Variants in LSAMP observed in about 807,000 individuals in gnomAD.
LSAMP encodes limbic system-associated membrane protein.
A neutral mutation model predicts 38.6 loss-of-function variants in LSAMP; 7 were observed. The ratio of observed to expected loss-of-function variants is 0.18; its 90% CI spans 0.10 to 0.34. The LOEUF is 0.34. LSAMP is among the 10% of genes least tolerant of loss of function. The pLI, the probability that LSAMP is intolerant of heterozygous loss-of-function variation, is 1.00. For missense variants in LSAMP, 313 were observed against 420.0 expected, an observed-to-expected ratio of 0.75 and a Z score of 2.23; for synonymous variants, 154 against 166.8, an observed-to-expected ratio of 0.92 and a Z score of 0.59.
At chr3:116,195,148 CTAGA>C (rs1710853113) in intron 1 of LSAMP, among the ~76,000 whole-genome samples, 1 of 152,192 alleles carries the variant, frequency 6.6e-6, no homozygotes, top group African/African-American at 2.4e-5. Context: ...TATATTTCCT[CTAGA>C]GATCAATCCC....
intron 1 of LSAMP, among the ~76,000 whole-genome samples, chr3:116,431,674 T>A (rs2049283040): frequency 6.6e-6 from 1 of 152,068 alleles, no homozygotes; most frequent in South Asian, 2.1e-4. Context: ...CACGTCTTCA[T>A]ATGCCCTGGA....
intron 1 of LSAMP, among the ~76,000 whole-genome samples, chr3:116,119,965 ATTTAT>A (rs1708838856): frequency 6.6e-6 from 1 of 152,214 alleles, no homozygotes; most frequent in Admixed American, 6.5e-5. Flanking sequence ...GGCCAAGAAA[ATTTAT>A]TTAGTTTACC....
chr3:116,216,816 T>G (rs1559786875), intron 1 of LSAMP, among the ~76,000 whole-genome samples: 1 of 152,202 alleles, frequency 6.6e-6, no homozygotes, highest in East Asian at 1.9e-4. Flanking sequence ...TAGTTTCTGC[T>G]TTACTTGATG....
intron 3 of LSAMP, among the ~76,000 whole-genome samples, chr3:115,945,936 T>C (rs1215088731): frequency 2.0e-5 from 3 of 152,202 alleles, no homozygotes. Context: ...CTGAAGTTTT[T>C]AAATACAATA....
chr3:116,176,526 TAAAC>T lies in LSAMP; in HGVS notation c.156-89974_156-89971del, dbSNP rs926397279. On this transcript the variant is annotated intron_variant, in intron 1 of 6. Transcript: ENST00000490035. Reference sequence around the variant, plus strand: ...GCAACCAACTAAAGAAGCCAATAACTAAACAATCAACCAGGCAACCAAAGGTTCT... The same window carrying T: ...GCAACCAACTAAAGAAGCCAATAACTAATCAACCAGGCAACCAAAGGTTCT... Among the ~76,000 whole-genome samples the T allele has an allele frequency of 6.6e-5, 10 of 152,216 alleles. No individual in the cohort carries two copies. The South Asian group carries it at 1.5e-3, about 22-fold the overall frequency.
chr3:116,439,934 G>A (rs1334325611), intron 1 of LSAMP, among the ~76,000 whole-genome samples: 1 of 152,150 alleles, frequency 6.6e-6, no homozygotes, highest in Non-Finnish European at 1.5e-5. Context: ...TGTTGGCCAG[G>A]ATGATCTCAA....
At chr3:116,058,577 A>G (rs1158767446) in intron 2 of LSAMP, among the ~76,000 whole-genome samples, 3 of 152,166 alleles carry the variant, frequency 2.0e-5, no homozygotes, top group Non-Finnish European at 4.4e-5. Flanking sequence ...TACTAGAAAT[A>G]TAGTAATTTA....
rs182276659 is a variant in LSAMP at position 116,214,114 on chromosome 3, C to T, written c.156-127558G>A. Among the ~76,000 whole-genome samples the T allele has an allele frequency of 5.3e-5, 8 of 152,184 alleles. No homozygotes were observed. The East Asian group carries it at 1.6e-3, about 30-fold the overall frequency. ...TTTATGGGATATTTAAAAGCATACA[C>T]ATCTCATACTGAAAAAAGCAAATGT... On this transcript the variant is annotated intron_variant, in intron 1 of 6. Coordinates refer to ENST00000490035, the MANE Select transcript of LSAMP (RefSeq NM_002338.5).
chr3:116,075,611 G>A lies in LSAMP; in HGVS notation c.388+10713C>T, dbSNP rs534041548. Among the ~76,000 whole-genome samples, 18 of 148,950 alleles carry A rather than the reference G, an allele frequency of 1.2e-4. No homozygotes were observed. In the Admixed American group the frequency reaches 1.2e-3, roughly 10 times the overall value. On this transcript the variant is annotated intron_variant, in intron 2 of 6. Transcript: ENST00000490035. Reference sequence around the variant, plus strand: ...GGCTGGAGTGCAGTGGCACAATCTCGGCTCACTGCAACCTCCGCTTTCTGG... The same window carrying A: ...GGCTGGAGTGCAGTGGCACAATCTCAGCTCACTGCAACCTCCGCTTTCTGG...
At chr3:116,196,081 A>G (rs1710876712) in intron 1 of LSAMP, among the ~76,000 whole-genome samples, 2 of 152,234 alleles carry the variant, frequency 1.3e-5, no homozygotes, top group African/African-American at 4.8e-5. Context: ...AGACTGAGCC[A>G]TAAGGGTCAG....
At position 116,082,150 on chromosome 3, in the gene LSAMP, C is replaced by A. The variant is rs73139193; in HGVS notation, c.388+4174G>T. Among the ~76,000 whole-genome samples, 885 of 152,174 alleles carry A rather than the reference C, an allele frequency of 5.8e-3. 7 individuals carry two copies. Among genetic ancestry groups the A allele is most frequent in the Non-Finnish European group, 9.3e-3 (635 of 67,990 alleles). ...TAATGTAACATTTAAAACAAATACC[C>A]TAGTTTTTGGAGCCAGTATTCCCAG... On this transcript the variant is annotated intron_variant, in intron 2 of 6. Transcript: ENST00000490035.
At chr3:116,414,214 A>G (rs1307539828) in intron 1 of LSAMP, among the ~76,000 whole-genome samples, 1 of 152,056 alleles carries the variant, frequency 6.6e-6, no homozygotes, top group Non-Finnish European at 1.5e-5. Context: ...TACTGCAAAA[A>G]TGGCAGAAGT....
At chr3:116,404,295 T>A (rs966552547) in intron 1 of LSAMP, among the ~76,000 whole-genome samples, 3 of 152,184 alleles carry the variant, frequency 2.0e-5, no homozygotes, top group Non-Finnish European at 4.4e-5. Flanking sequence ...ATAGAGAAAG[T>A]TAGAATTCTC....
intron 1 of LSAMP, among the ~76,000 whole-genome samples, chr3:116,163,504 T>C (rs1003142423): frequency 2.6e-5 from 4 of 151,642 alleles, no homozygotes; most frequent in Non-Finnish European, 4.4e-5. Context: ...GTTCCAAGTC[T>C]TTGCTATTGT....
chr3:115,955,069 C>A (rs556210947), intron 3 of LSAMP, among the ~76,000 whole-genome samples: 1 of 151,950 alleles, frequency 6.6e-6, no homozygotes, highest in African/African-American at 2.4e-5. Context: ...ATTCTCCTGC[C>A]GCAGCCTCCC....
intron 1 of LSAMP, among the ~76,000 whole-genome samples, chr3:116,427,922 A>G (rs548179956): frequency 2.0e-5 from 3 of 152,328 alleles, no homozygotes; most frequent in Admixed American, 2.0e-4. Flanking sequence ...AGGTCCTCAG[A>G]GTCACTTGTC....
intron 1 of LSAMP, among the ~76,000 whole-genome samples, chr3:116,196,360 C>G (rs564591851): frequency 6.6e-6 from 1 of 152,200 alleles, no homozygotes; most frequent in South Asian, 2.1e-4. Context: ...TTCACAGAAC[C>G]TAATACAGTG....
chr3:115,874,486 C>T (rs1936131594), intron 3 of LSAMP, among the ~76,000 whole-genome samples: 1 of 152,080 alleles, frequency 6.6e-6, no homozygotes, highest in Non-Finnish European at 1.5e-5. Flanking sequence ...TTTTGTCTCC[C>T]CAGCTATACC....
rs150674100 is a variant in LSAMP, at chr3:116,337,507, T to C, written c.155+107370A>G. Among the ~76,000 whole-genome samples, 181 of 152,132 alleles carry C rather than the reference T, an allele frequency of 1.2e-3. 2 individuals are homozygous for C. In the East Asian group the frequency reaches 0.03, roughly 26 times the overall value. On this transcript the variant is annotated intron_variant, in intron 1 of 6. Coordinates refer to ENST00000490035, the MANE Select transcript of LSAMP (RefSeq NM_002338.5). ...GATATAGCACATAATCTCTAACTTT[T>C]AGTCAAAAACCAAAGAGTATTTTTA...
Sources: allele counts gnomAD v4.1 joint callset (sites outside exome capture counted in the v4.1 genomes callset), GRCh38; gene constraint gnomAD v4.1.1; transcripts MANE v1.5; gene names NCBI Gene and HGNC (gene_info 2026-07-23, HGNC 2026-07-21).